PDGFC: variants seen among roughly 807,000 people sequenced by gnomAD.
The protein encoded by PDGFC is platelet-derived growth factor C.
In PDGFC, 12 loss-of-function variants were observed where a neutral mutation model predicts 35.5. That is an observed-to-expected ratio of 0.34 (90% CI 0.22 to 0.55). The LOEUF (loss-of-function observed/expected upper bound fraction) is 0.55, where lower values mean the gene tolerates loss of function less well. PDGFC is among the 20% of genes least tolerant of loss of function. PDGFC has a pLI of 0.91. For missense variants in PDGFC, 322 were observed against 412.4 expected, an observed-to-expected ratio of 0.78 and a Z score of 1.90; for synonymous variants, 159 against 148.8, an observed-to-expected ratio of 1.07 and a Z score of -0.50.
At chr4:156,778,141 T>G (rs1730876121) in intron 3 of PDGFC, 1 of 272,832 alleles carries the variant, frequency 3.7e-6, no homozygotes, top group Non-Finnish European at 7.7e-6. Context: ...ATAAGGCAAA[T>G]GAACAAAAGT....
intron 1 of PDGFC, among the ~76,000 whole-genome samples, chr4:156,899,436 CAG>C (rs927744090): frequency 3.3e-5 from 5 of 152,316 alleles, no homozygotes; most frequent in East Asian, 3.9e-4. Context: ...TTCTTAAACA[CAG>C]AGTTTCTTCT....
chr4:156,798,265 C>G (rs1021576372), intron 3 of PDGFC, among the ~76,000 whole-genome samples: 7 of 152,130 alleles, frequency 4.6e-5, no homozygotes, highest in South Asian at 4.1e-4. Flanking sequence ...TAGGCTAAAC[C>G]TCATTTAAGA....
rs182496018 is a variant in PDGFC at position 156,909,267 on chromosome 4, A to G, written c.119-58851T>C. Reference sequence around the variant, plus strand: ...TTTATGGTATGTGAATTATATCTCAATAAAGCTATTATTCAGACAAGAAAT... The same window carrying G: ...TTTATGGTATGTGAATTATATCTCAGTAAAGCTATTATTCAGACAAGAAAT... On this transcript the variant is annotated intron_variant, in intron 1 of 5. Coordinates refer to ENST00000502773, the MANE Select transcript of PDGFC (RefSeq NM_016205.3). Among the ~76,000 whole-genome samples the G allele has an allele frequency of 7.9e-5, 12 of 152,324 alleles. No homozygotes were observed. In the East Asian group the frequency reaches 1.7e-3, roughly 22 times the overall value.
chr4:156,971,502 G>GA lies in PDGFC; in HGVS notation c.-600_-599insT, dbSNP rs1357980859. 4.8e-6 allele frequency: 1 copy of GA among 208,352 alleles called. No homozygotes were observed. The highest frequency in any genetic ancestry group is 9.4e-6 in the Non-Finnish European group (1 of 106,700). The allele number at this position is 208,352 out of a possible 1,614,324, so 12.9% of individuals were successfully genotyped here. On this transcript the variant is annotated 5_prime_UTR_variant, in exon 1 of 6. Coordinates refer to ENST00000502773, the MANE Select transcript of PDGFC (RefSeq NM_016205.3). Reference sequence around the variant, plus strand: ...GCCGGGGCGCCGGAGCGGGGCCGGGGGGCTCCGGGCCGACGGCGGCCCGGG... The same window carrying GA: ...GCCGGGGCGCCGGAGCGGGGCCGGGGAGGCTCCGGGCCGACGGCGGCCCGGG...
chr4:156,801,444 T>C (rs1372683221), intron 3 of PDGFC, among the ~76,000 whole-genome samples: 1 of 151,950 alleles, frequency 6.6e-6, no homozygotes, highest in Non-Finnish European at 1.5e-5. Context: ...CCCTGGAGGG[T>C]GACAGTACCA....
chr4:156,870,627 C>T (rs958414572), intron 1 of PDGFC, among the ~76,000 whole-genome samples: 16 of 152,146 alleles, frequency 1.1e-4, no homozygotes, highest in African/African-American at 3.8e-4. Context: ...TTCCACAAGG[C>T]TTATTAATCC....
At chr4:156,879,083 T>C (rs1265137499) in intron 1 of PDGFC, among the ~76,000 whole-genome samples, 1 of 152,206 alleles carries the variant, frequency 6.6e-6, no homozygotes, top group Non-Finnish European at 1.5e-5. Context: ...AGTTGTCTTA[T>C]GAGGTGTTTT....
At chr4:156,812,347 A>C (rs1731956777) in intron 2 of PDGFC, among the ~76,000 whole-genome samples, 1 of 152,106 alleles carries the variant, frequency 6.6e-6, no homozygotes, top group Non-Finnish European at 1.5e-5. Flanking sequence ...AGATTATTTT[A>C]ATATAAATTA....
chr4:156,851,618 G>A (rs1252033186), intron 1 of PDGFC, among the ~76,000 whole-genome samples: 1 of 151,954 alleles, frequency 6.6e-6, no homozygotes, highest in Non-Finnish European at 1.5e-5. Flanking sequence ...AAAAATGTAA[G>A]AACTAGGCTA....
intron 3 of PDGFC, among the ~76,000 whole-genome samples, chr4:156,784,615 A>G (rs893362671): frequency 6.6e-6 from 1 of 152,192 alleles, no homozygotes; most frequent in Non-Finnish European, 1.5e-5. Context: ...TTATGAGAAG[A>G]AAGATTAGAA....
At chr4:156,875,831 C>A (rs570914231) in intron 1 of PDGFC, among the ~76,000 whole-genome samples, 1 of 152,176 alleles carries the variant, frequency 6.6e-6, no homozygotes, top group Non-Finnish European at 1.5e-5. Flanking sequence ...TGCAGTGAGC[C>A]TAGGTTGTAC....
intron 1 of PDGFC, among the ~76,000 whole-genome samples, chr4:156,897,334 G>A (rs1730655857): frequency 7.8e-6 from 1 of 127,858 alleles, no homozygotes; most frequent in Admixed American, 8.6e-5. Context: ...GAATATGAGA[G>A]AGTGTGTGAG....
intron 1 of PDGFC, among the ~76,000 whole-genome samples, chr4:156,969,461 T>C (rs561013922): frequency 6.6e-6 from 1 of 152,384 alleles, no homozygotes; most frequent in East Asian, 1.9e-4. Flanking sequence ...TGTGATACTA[T>C]GTCTTGCTGC....
intron 3 of PDGFC, among the ~76,000 whole-genome samples, chr4:156,802,519 G>A (rs906405591): frequency 1.1e-4 from 16 of 150,504 alleles, no homozygotes; most frequent in South Asian, 2.1e-4. Flanking sequence ...CAGAGTTGAG[G>A]GTATGGAGAA....
chr4:156,899,411 G>T (rs555289767), intron 1 of PDGFC, among the ~76,000 whole-genome samples: 4 of 152,358 alleles, frequency 2.6e-5, no homozygotes, highest in African/African-American at 9.6e-5. Flanking sequence ...CTGTCCTGCT[G>T]TTCTTGTTTC....
intron 1 of PDGFC, among the ~76,000 whole-genome samples, chr4:156,909,511 G>A (rs114911066): frequency 0.015 from 2,237 of 152,200 alleles, 59 homozygotes; most frequent in African/African-American, 0.051. Flanking sequence ...ATAAGTACAT[G>A]TCACTCAGTG....
chr4:156,804,466 G>A (rs1731702701), intron 3 of PDGFC, among the ~76,000 whole-genome samples: 1 of 151,786 alleles, frequency 6.6e-6, no homozygotes, highest in Admixed American at 6.6e-5. Flanking sequence ...TGGACTTTTT[G>A]TTTGATTGCT....
chr4:156,918,184 A>C (rs1347138164), intron 1 of PDGFC, among the ~76,000 whole-genome samples: 1 of 152,198 alleles, frequency 6.6e-6, no homozygotes, highest in East Asian at 1.9e-4. Flanking sequence ...GGTTGTTCTT[A>C]TATATCTCTT....
intron 3 of PDGFC, among the ~76,000 whole-genome samples, chr4:156,792,216 A>G (rs1453454132): frequency 6.6e-6 from 1 of 152,214 alleles, no homozygotes; most frequent in Non-Finnish European, 1.5e-5. Context: ...GATTAAATAA[A>G]TACTAATATC....
Sources: allele counts gnomAD v4.1 joint callset (sites outside exome capture counted in the v4.1 genomes callset), GRCh38; gene constraint gnomAD v4.1.1; transcripts MANE v1.5; gene names NCBI Gene and HGNC (gene_info 2026-07-23, HGNC 2026-07-21).